The following TAFA1 variants were observed in gnomAD, a reference collection of about 807,000 sequenced individuals.
The protein encoded by TAFA1 is TAFA chemokine like family member 1.
In TAFA1, 4 loss-of-function variants were observed where a neutral mutation model predicts 18.5. That is an observed-to-expected ratio of 0.22 (90% CI 0.11 to 0.49). The LOEUF (loss-of-function observed/expected upper bound fraction) is 0.49. Ranked by LOEUF, TAFA1 falls within the 20% of genes least tolerant of loss-of-function variation. The pLI is 0.98. For missense variants in TAFA1, 147 were observed against 169.0 expected (o/e 0.87, Z 0.72); for synonymous variants, 56 against 55.2 (o/e 1.01, Z -0.06).
At chr3:68,521,405 T>C (rs1482247598) in intron 3 of TAFA1, among the ~76,000 whole-genome samples, 1 of 152,188 alleles carries the variant, frequency 6.6e-6, no homozygotes, top group African/African-American at 2.4e-5. Context: ...ACAATGCTGG[T>C]CACAATTTCT....
At chr3:68,284,560 C>T (rs897818416) in intron 2 of TAFA1, among the ~76,000 whole-genome samples, 1 of 152,094 alleles carries the variant, frequency 6.6e-6, no homozygotes, top group African/African-American at 2.4e-5. Flanking sequence ...TGGAAACTAC[C>T]TAAGTGTCCA....
intron 2 of TAFA1, among the ~76,000 whole-genome samples, chr3:68,413,137 G>C: frequency 6.6e-6 from 1 of 152,178 alleles, no homozygotes; most frequent in Non-Finnish European, 1.5e-5. Flanking sequence ...GTGATGATGA[G>C]CATTTTTTCA....
At chr3:68,512,308 G>A (rs2072859289) in intron 3 of TAFA1, among the ~76,000 whole-genome samples, 1 of 152,062 alleles carries the variant, frequency 6.6e-6, no homozygotes, top group African/African-American at 2.4e-5. Context: ...AAAAATAGTA[G>A]GAATTCACTT....
chr3:68,132,990 T>C (rs1278178756), intron 2 of TAFA1, among the ~76,000 whole-genome samples: 5 of 152,216 alleles, frequency 3.3e-5, no homozygotes, highest in African/African-American at 1.2e-4. Context: ...CTAGGGTTTT[T>C]ATAGTTTTAG....
intron 2 of TAFA1, among the ~76,000 whole-genome samples, chr3:68,256,714 A>G (rs912088711): frequency 2.0e-5 from 3 of 152,210 alleles, no homozygotes; most frequent in African/African-American, 7.2e-5. Context: ...GGGTTATAAG[A>G]CTGGAGGGTT....
At chr3:68,307,699 T>A (rs970840393) in intron 2 of TAFA1, among the ~76,000 whole-genome samples, 1 of 152,196 alleles carries the variant, frequency 6.6e-6, no homozygotes, top group Non-Finnish European at 1.5e-5. Flanking sequence ...ACTGGAGATT[T>A]AAAGTTCTCT....
At chr3:68,219,515 A>C (rs933026663) in intron 2 of TAFA1, among the ~76,000 whole-genome samples, 6 of 152,082 alleles carry the variant, frequency 3.9e-5, no homozygotes, top group African/African-American at 1.4e-4. Flanking sequence ...ATCCAGGCCC[A>C]TCCAATCAGC....
the TAFA1 span, among the ~76,000 whole-genome samples, chr3:67,998,777 G>A: frequency 1.3e-5 from 2 of 152,152 alleles, no homozygotes; most frequent in Non-Finnish European, 2.9e-5. Context: ...TCTTTCATGG[G>A]TTAGTGGAAT....
chr3:68,213,068 G>A (rs991166467), intron 2 of TAFA1, among the ~76,000 whole-genome samples: 4 of 151,522 alleles, frequency 2.6e-5, no homozygotes, highest in African/African-American at 9.7e-5. Context: ...CATAACACAG[G>A]TAGTGAGGTT....
Position 68,381,313 on chromosome 3 carries a change from A to G in TAFA1, c.119-35967A>G, listed in dbSNP as rs527672106. Among the ~76,000 whole-genome samples the G allele has an allele frequency of 7.3e-5, 11 of 151,364 alleles. No individual in the cohort carries two copies. The South Asian group carries it at 2.3e-3, about 32-fold the overall frequency. ...TTTTTCCAATTCTGTGAAGAAAGTC[A>G]TTGGTAGCTTGATGGGGATGGCATT... On this transcript the variant is annotated intron_variant, in intron 2 of 4. Transcript: ENST00000478136.
At chr3:68,393,311 A>C (rs2070301719) in intron 2 of TAFA1, among the ~76,000 whole-genome samples, 1 of 152,154 alleles carries the variant, frequency 6.6e-6, no homozygotes, top group African/African-American at 2.4e-5. Context: ...ATCAGGAAGA[A>C]GTCAAATCCC....
At chr3:68,470,195 T>G (rs565315079) in intron 3 of TAFA1, among the ~76,000 whole-genome samples, 1 of 152,324 alleles carries the variant, frequency 6.6e-6, no homozygotes, top group East Asian at 1.9e-4. Flanking sequence ...ATGACTTTGA[T>G]TCTCATTCAC....
chr3:68,226,582 G>A (rs1280311534), intron 2 of TAFA1, among the ~76,000 whole-genome samples: 1 of 151,900 alleles, frequency 6.6e-6, no homozygotes. Flanking sequence ...AATCTGAATG[G>A]GGAGAGGCAG....
intron 3 of TAFA1, 167 bp downstream of exon 3, chr3:68,417,587 G>C: frequency 1.5e-6 from 1 of 650,038 alleles, no homozygotes; most frequent in African/African-American, 1.9e-5. Flanking sequence ...TTTTTTCTCT[G>C]GTGCTATTAT....
At chr3:68,501,383 A>G (rs1280514254) in intron 3 of TAFA1, among the ~76,000 whole-genome samples, 1 of 152,126 alleles carries the variant, frequency 6.6e-6, no homozygotes, top group Non-Finnish European at 1.5e-5. Flanking sequence ...CTTTGAGGAA[A>G]AAAGCCACGG....
intron 2 of TAFA1, among the ~76,000 whole-genome samples, chr3:68,380,348 C>G (rs1467323276): frequency 6.6e-6 from 1 of 152,212 alleles, no homozygotes; most frequent in Non-Finnish European, 1.5e-5. Flanking sequence ...GGCACACCGA[C>G]TTCCACAATG....
At chr3:68,402,049 A>G (rs1387617666) in intron 2 of TAFA1, among the ~76,000 whole-genome samples, 1 of 152,208 alleles carries the variant, frequency 6.6e-6, no homozygotes, top group Non-Finnish European at 1.5e-5. Context: ...AACTCATTCT[A>G]CATTCTTGGC....
chr3:68,422,077 C>T (rs187130458), intron 3 of TAFA1, among the ~76,000 whole-genome samples: 1 of 152,196 alleles, frequency 6.6e-6, no homozygotes, highest in African/African-American at 2.4e-5. Flanking sequence ...TATGTCCTTC[C>T]AGTCTTACCC....
At chr3:68,370,407 CAT>C (rs1231812968) in intron 2 of TAFA1, among the ~76,000 whole-genome samples, 3 of 78,884 alleles carry the variant, frequency 3.8e-5, no homozygotes, top group African/African-American at 1.6e-4. Flanking sequence ...TATATATACA[CAT>C]ATATATGTAC....
Sources: allele counts gnomAD v4.1 joint callset (sites outside exome capture counted in the v4.1 genomes callset), GRCh38; gene constraint gnomAD v4.1.1; transcripts MANE v1.5; gene names NCBI Gene and HGNC (gene_info 2026-07-23, HGNC 2026-07-21).